DDX6: variants seen among roughly 807,000 people sequenced by gnomAD.
DDX6 encodes the protein DEAD-box helicase 6.
Under a neutral mutation model 60.6 loss-of-function variants are expected in DDX6, and 7 were observed. The ratio of observed to expected loss-of-function variants is 0.12; its 90% CI spans 0.07 to 0.22. The LOEUF (loss-of-function observed/expected upper bound fraction) is 0.22, where lower values mean the gene tolerates loss of function less well. DDX6 is among the 10% of genes least tolerant of loss of function. The pLI, the probability that DDX6 is intolerant of heterozygous loss-of-function variation, is 1.00. For missense variants in DDX6, 270 were observed against 589.9 expected (o/e 0.46, Z 5.62); for synonymous variants, 207 against 201.0 (o/e 1.03, Z -0.25).
intron 4 of DDX6, among the ~76,000 whole-genome samples, chr11:118,772,282 A>T (rs2137495169): frequency 6.6e-6 from 1 of 152,338 alleles, no homozygotes; most frequent in African/African-American, 2.4e-5. Flanking sequence ...TGGATAAATC[A>T]GAAGTAATAG....
At position 118,752,188 on chromosome 11, in the gene DDX6, T is replaced by C. The variant is rs78678279; in HGVS notation, c.*8-91A>G. The C allele has an allele frequency of 2.2e-3, 378 of 174,668 alleles. 3 individuals are homozygous for C. The highest frequency in any genetic ancestry group is 8.5e-3 in the African/African-American group (357 of 41,802). The allele number at this position is 174,668 out of a possible 1,614,324, so 10.8% of individuals were successfully genotyped here. A position where few individuals can be genotyped will look rare whatever the true frequency, so the allele number is the denominator to read the frequency against. On this transcript the variant is annotated intron_variant, in intron 13 of 13. Coordinates refer to ENST00000534980, the MANE Select transcript of DDX6 (RefSeq NM_004397.6). The stretch of plus-strand genomic sequence containing the variant: ...CACAATCCTCATCCCAAATGCTCTT[T>C]TCTAGTAGTTTCTACTAACCCTGTG...
intron 11 of DDX6, 96 bp from the exon 12 acceptor site, chr11:118,755,599 TTTAA>T (rs1312732660): frequency 8.9e-6 from 6 of 672,340 alleles, no homozygotes; most frequent in African/African-American, 3.6e-5. Context: ...AGTTTATTAA[TTTAA>T]TTCAGTTATT....
At chr11:118,756,218 TG>T (rs1860972292) in intron 11 of DDX6, 41 bp downstream of exon 11, 1 of 1,569,360 alleles carries the variant, frequency 6.4e-7, no homozygotes, top group African/African-American at 1.4e-5. Context: ...AAAAACAACT[TG>T]GGAGAAAAAC....
chr11:118,777,455 A>G (rs2137519006), intron 4 of DDX6, among the ~76,000 whole-genome samples: 1 of 152,308 alleles, frequency 6.6e-6, no homozygotes, highest in East Asian at 1.9e-4. Context: ...TTCCACTGAA[A>G]GGACCAAGTA....
At chr11:118,785,283 A>G (rs895777102) in intron 2 of DDX6, among the ~76,000 whole-genome samples, 1 of 152,196 alleles carries the variant, frequency 6.6e-6, no homozygotes, top group Non-Finnish European at 1.5e-5. Flanking sequence ...AAGGTTAACA[A>G]AAGGTTTCTG....
At chr11:118,765,474 C>CCACTGCA in intron 5 of DDX6, 119 bp from the exon 6 acceptor site, 1 of 1,030,538 alleles carries the variant, frequency 9.7e-7, no homozygotes, top group Non-Finnish European at 1.5e-6. Context: ...GATGCAGTGG[C>CCACTGCA]TCACACCTGT....
intron 5 of DDX6, among the ~76,000 whole-genome samples, chr11:118,766,067 G>A (rs1361089813): frequency 2.0e-5 from 3 of 151,234 alleles, no homozygotes; most frequent in East Asian, 1.9e-4. Context: ...GCGAAACTCC[G>A]TCTCAAATAA....
intron 8 of DDX6, 114 bp from the exon 9 acceptor site, chr11:118,759,016 C>A (rs780972270): frequency 4.9e-5 from 67 of 1,362,766 alleles, no homozygotes; most frequent in African/African-American, 1.2e-4. Flanking sequence ...CTGTAAGGGA[C>A]GCAACTCTCT....
intron 4 of DDX6, among the ~76,000 whole-genome samples, chr11:118,774,464 C>CTT (rs11442846): frequency 0.018 from 2,128 of 116,394 alleles, 114 homozygotes; most frequent in East Asian, 0.17. Flanking sequence ...CTCTAACAGT[C>CTT]TTTTTTTTTT....
In DDX6 at chr11:118,761,860, GGA is replaced by G. The variant is rs1491391339; in HGVS notation, c.741+1350_741+1351del. ...TATAGGTTTCTTGTAAAAATTAAAT[GGA>G]AAAAAAAAAAAAAAAACAAACCATG... On this transcript the variant is annotated intron_variant, in intron 7 of 13. Transcript: ENST00000534980. Among the ~76,000 whole-genome samples, 17 of 40,258 alleles carry G rather than the reference GGA, an allele frequency of 4.2e-4. No homozygotes were observed. In the South Asian group the frequency reaches 0.015, roughly 36 times the overall value. The allele number at this position is 40,258 out of a possible 152,430, so 26.4% of individuals were successfully genotyped here. A position where few individuals can be genotyped will look rare whatever the true frequency, so the allele number is the denominator to read the frequency against.
At chr11:118,766,833 C>T (rs564579306) in intron 5 of DDX6, among the ~76,000 whole-genome samples, 1 of 152,174 alleles carries the variant, frequency 6.6e-6, no homozygotes, top group African/African-American at 2.4e-5. Context: ...CCTGCCTTGG[C>T]CTCCCAAAGT....
chr11:118,756,171 T>G, intron 11 of DDX6, 89 bp downstream of exon 11: 3 of 990,144 alleles, frequency 3.0e-6, no homozygotes, highest in Non-Finnish European at 4.7e-6. Flanking sequence ...TCGGACTATG[T>G]CACAGGTTGC....
chr11:118,764,714 G>A (rs1555160950), intron 6 of DDX6, among the ~76,000 whole-genome samples: 1 of 151,672 alleles, frequency 6.6e-6, no homozygotes, highest in East Asian at 1.9e-4. Flanking sequence ...TGAGACAGGA[G>A]AATGGCCTGA....
At chr11:118,758,508 G>A (rs1861054218) in intron 9 of DDX6, among the ~76,000 whole-genome samples, 1 of 152,056 alleles carries the variant, frequency 6.6e-6, no homozygotes, top group Non-Finnish European at 1.5e-5. Context: ...CAAGTAGCTG[G>A]GATTATGGGC....
At chr11:118,769,495 A>G (rs868939283) in intron 4 of DDX6, among the ~76,000 whole-genome samples, 3 of 152,176 alleles carry the variant, frequency 2.0e-5, no homozygotes, top group Admixed American at 1.3e-4. Flanking sequence ...TACTAACTTA[A>G]ATTTCCCAGA....
At chr11:118,774,100 C>T (rs1555163164) in intron 4 of DDX6, among the ~76,000 whole-genome samples, 1 of 152,144 alleles carries the variant, frequency 6.6e-6, no homozygotes, top group Non-Finnish European at 1.5e-5. Context: ...TAATCAACTA[C>T]TTCTCATTTC....
intron 2 of DDX6, among the ~76,000 whole-genome samples, chr11:118,784,083 G>A (rs1861992921): frequency 1.9e-5 from 1 of 51,970 alleles, no homozygotes; most frequent in South Asian, 8.2e-4. Flanking sequence ...GTGAGACCCT[G>A]TCTCAAAAAA....
At position 118,765,267 on chromosome 11, in the gene DDX6, C is replaced by T; in HGVS notation, c.588G>A (p.Val196=). The T allele has an allele frequency of 3.1e-6, 5 of 1,613,252 alleles. No individual in the cohort carries two copies. In the East Asian group the frequency reaches 1.1e-4, roughly 36 times the overall value. Residue 196 remains valine (V), a synonymous_variant, in exon 6 of 14, where the codon GTG becomes GTA. Coordinates refer to ENST00000534980, the MANE Select transcript of DDX6 (RefSeq NM_004397.6). ...AATTGGTTCCTCCTGTGGTTGCCAT[C>T]ACTTTGGCCCCTCCCATGTGTTTGC... ...QVSKHMGGAK[V]MATTGGTNLR...
At chr11:118,768,099 T>C in intron 5 of DDX6, 124 bp downstream of exon 5, 1 of 983,592 alleles carries the variant, frequency 1.0e-6, no homozygotes, top group Non-Finnish European at 1.4e-6. Context: ...AGAAAAAACC[T>C]GAAAAGAAAG....
Sources: gnomAD v4.1 joint callset for allele counts (sites outside exome capture counted in the v4.1 genomes callset) on GRCh38, gnomAD v4.1.1 for gene constraint, MANE v1.5 for transcripts, NCBI Gene and HGNC (gene_info 2026-07-23, HGNC 2026-07-21) for gene names.